The following DNAH8 variants were observed in gnomAD, a reference collection of about 807,000 sequenced individuals.
DNAH8 encodes the protein dynein axonemal heavy chain 8, also known as axonemal beta dynein heavy chain 8.
In DNAH8, 382 loss-of-function variants were observed where a neutral mutation model predicts 562.1. That is an observed-to-expected ratio of 0.68 (90% CI 0.63 to 0.74). The LOEUF (loss-of-function observed/expected upper bound fraction) is 0.74. Ranked by LOEUF, DNAH8 falls within the 30% of genes least tolerant of loss-of-function variation. The pLI, the probability that DNAH8 is intolerant of heterozygous loss-of-function variation, is 0.00. For missense variants in DNAH8, 5,203 were observed against 5,620.4 expected (o/e 0.93, Z 2.37); for synonymous variants, 1,881 against 1,919.4 (o/e 0.98, Z 0.52).
At chr6:39,007,404 A>T (rs529223338) in intron 88 of DNAH8, among the ~76,000 whole-genome samples, 1 of 152,250 alleles carries the variant, frequency 6.6e-6, no homozygotes, top group Admixed American at 6.5e-5. Flanking sequence ...TGCCTCTCAC[A>T]TCTACAAAAG....
intron 1 of DNAH8, among the ~76,000 whole-genome samples, chr6:38,717,295 T>G (rs1217505962): frequency 6.6e-6 from 1 of 152,110 alleles, no homozygotes; most frequent in Non-Finnish European, 1.5e-5. Flanking sequence ...TGTGAATGCT[T>G]GGGGGTAGAT....
chr6:38,881,131 AG>A (rs1439137550), intron 53 of DNAH8, among the ~76,000 whole-genome samples: 1 of 80,310 alleles, frequency 1.2e-5, no homozygotes, highest in East Asian at 5.1e-3. Flanking sequence ...GCCGTAATAG[AG>A]CACCTAGAGC....
At chr6:38,862,250 C>T (rs1483456578) in intron 43 of DNAH8, 30 bp from the exon 44 acceptor site, 4 of 1,596,554 alleles carry the variant, frequency 2.5e-6, no homozygotes, top group Non-Finnish European at 3.4e-6. Flanking sequence ...ATCCCATACT[C>T]ACAATGCTTT....
At position 38,907,750 on chromosome 6, in the gene DNAH8, G is replaced by A. The variant is rs9369091; in HGVS notation, c.9349-206G>A. ...TGGTGATAGCTATTGGAGCACAGGA[G>A]AACACAATTAGTTCTTGATTGAGCT... is the stretch of plus-strand genomic sequence containing the variant. On this transcript the variant is annotated intron_variant, in intron 63 of 92. Coordinates refer to ENST00000327475, the MANE Select transcript of DNAH8 (RefSeq NM_001206927.2). 0.65 allele frequency among the ~76,000 whole-genome samples: 98,398 copies of A among 152,078 alleles called. 32,862 individuals are homozygous for A. The highest frequency in any genetic ancestry group is 0.83 in the East Asian group (4,293 of 5,176).
Position 38,911,488 on chromosome 6 carries a change from T to G in DNAH8, c.9761T>G (p.Val3254Gly). 1 of 1,613,438 alleles carries G rather than the reference T, an allele frequency of 6.2e-7. No homozygotes were observed. The highest frequency in any genetic ancestry group is 8.5e-7 in the Non-Finnish European group (1 of 1,179,404). ...TTCAGATACCGCCGAAGAGCACATG[T>G]GACTCCCAAATCTTACCTCTCATTT... ...YFQRYRRRAH[V>G]TPKSYLSFIN... Residue 3254 changes from valine (V) to glycine (G), a missense_variant, in exon 66 of 93, where the codon GTG becomes GGG. Transcript: ENST00000327475.
intron 57 of DNAH8, among the ~76,000 whole-genome samples, chr6:38,888,511 A>C (rs1485767471): frequency 2.0e-5 from 3 of 152,246 alleles, no homozygotes; most frequent in African/African-American, 4.8e-5. Context: ...TCATATTCTG[A>C]ATATTTAGAG....
rs537405994 is a variant in DNAH8, at chr6:38,933,236, A to G, written c.11457+1243A>G. 4.5e-4 allele frequency among the ~76,000 whole-genome samples: 68 copies of G among 152,234 alleles called. 1 individual carries two copies. Among genetic ancestry groups the G allele is most frequent in the African/African-American group, 1.5e-3 (63 of 41,544 alleles). On this transcript the variant is annotated intron_variant, in intron 76 of 92. Transcript: ENST00000327475. ...CAGAAGTCAAGCAACTCCACTGTCT[A>G]AAGGTCCCCAGGGCTCCCCACACCC...
chr6:38,929,441 C>A (rs1025549465), intron 74 of DNAH8, 70 bp from the exon 75 acceptor site: 3 of 1,396,330 alleles, frequency 2.1e-6, no homozygotes, highest in South Asian at 3.6e-5. Flanking sequence ...TCCAACAAAT[C>A]TCTCGGTTTC....
At chr6:38,989,906 TA>T in intron 87 of DNAH8, 105 bp from the exon 88 acceptor site, 1 of 642,398 alleles carries the variant, frequency 1.6e-6, no homozygotes, top group Non-Finnish European at 2.7e-6. Context: ...AAATCAATAT[TA>T]AAAACTCTGT....
intron 57 of DNAH8, among the ~76,000 whole-genome samples, chr6:38,889,661 C>G (rs56212144): frequency 0.12 from 18,515 of 152,142 alleles, 1,394 homozygotes; most frequent in Admixed American, 0.21. Context: ...ATGGGTGTTG[C>G]TAATCCCTAT....
intron 82 of DNAH8, among the ~76,000 whole-genome samples, chr6:38,955,085 A>T (rs1039847270): frequency 5.3e-5 from 8 of 152,034 alleles, no homozygotes; most frequent in African/African-American, 1.9e-4. Context: ...CTCCTACCTC[A>T]GCCTTCCAAG....
At chr6:38,834,813 C>A (rs1451772628) in intron 32 of DNAH8, among the ~76,000 whole-genome samples, 172 bp downstream of exon 32, 12 of 152,172 alleles carry the variant, frequency 7.9e-5, no homozygotes, top group Non-Finnish European at 1.8e-4. Flanking sequence ...TCCCTCCATG[C>A]TCCTCTCCAC....
Position 38,898,952 on chromosome 6 carries a change from T to G in DNAH8, c.9063+572T>G, listed in dbSNP as rs975623206. The stretch of plus-strand genomic sequence containing the variant: ...TGAGGTTCTGAGATCCTATTCTGAG[T>G]GCAAAGCCATAAGTGATTAATATAT... On this transcript the variant is annotated intron_variant, in intron 61 of 92. Coordinates refer to ENST00000327475, the MANE Select transcript of DNAH8 (RefSeq NM_001206927.2). 3.3e-5 allele frequency among the ~76,000 whole-genome samples: 5 copies of G among 152,186 alleles called. No individual in the cohort carries two copies. In the South Asian group the frequency reaches 6.2e-4, roughly 19 times the overall value.
intron 65 of DNAH8, 114 bp downstream of exon 65, chr6:38,909,858 T>C: frequency 1.2e-6 from 1 of 862,176 alleles, no homozygotes; most frequent in South Asian, 1.8e-5. Context: ...ACGAGCTGTA[T>C]TTTTAGATCT....
chr6:38,728,831 A>G (rs1043291115), intron 3 of DNAH8, among the ~76,000 whole-genome samples: 1 of 152,222 alleles, frequency 6.6e-6, no homozygotes, highest in African/African-American at 2.4e-5. Context: ...TCTCTGATGC[A>G]CACTAACATT....
chr6:38,968,599 C>T (rs532074435), intron 82 of DNAH8, among the ~76,000 whole-genome samples: 2 of 152,148 alleles, frequency 1.3e-5, no homozygotes, highest in East Asian at 3.9e-4. Flanking sequence ...TTCATTCCCA[C>T]TAAGATAGCT....
intron 64 of DNAH8, 23 bp downstream of exon 64, chr6:38,908,143 A>C: frequency 6.9e-7 from 1 of 1,444,492 alleles, no homozygotes; most frequent in Non-Finnish European, 9.3e-7. Context: ...TTTTATTTAT[A>C]TCTACGTAGA....
chr6:38,815,217 A>G lies in DNAH8; in HGVS notation c.3334-251A>G, dbSNP rs181971158. ...TTAACAAAATCAAAATGTCATTTCT[A>G]TCTGTTATTAAAAAGTTACGTCCGC... On this transcript the variant is annotated intron_variant, in intron 25 of 92. Transcript: ENST00000327475. Among the ~76,000 whole-genome samples, 6 of 152,334 alleles carry G rather than the reference A, an allele frequency of 3.9e-5. No individual in the cohort carries two copies. In the East Asian group the frequency reaches 7.7e-4, roughly 20 times the overall value.
rs1583146025 is a variant in DNAH8, at chr6:38,837,174, C to T, written c.4366-768C>T. The stretch of plus-strand genomic sequence containing the variant: ...TCGAGTTCACCTGGTATCTTCATGC[C>T]TTCCTGATCTGGGTCCTGTAAAATA... On this transcript the variant is annotated intron_variant, in intron 32 of 92. Coordinates refer to ENST00000327475, the MANE Select transcript of DNAH8 (RefSeq NM_001206927.2). 1.3e-5 allele frequency among the ~76,000 whole-genome samples: 2 copies of T among 152,136 alleles called. 1 individual carries two copies.
Sources: allele counts gnomAD v4.1 joint callset (sites outside exome capture counted in the v4.1 genomes callset), GRCh38; gene constraint gnomAD v4.1.1; transcripts MANE v1.5; gene names NCBI Gene and HGNC (gene_info 2026-07-23, HGNC 2026-07-21).